Variants in CLPB observed in about 807,000 individuals in gnomAD.
The protein encoded by CLPB is ClpB family mitochondrial disaggregase.
A neutral mutation model predicts 78.4 loss-of-function variants in CLPB; 40 were observed. The ratio of observed to expected loss-of-function variants is 0.51; its 90% CI spans 0.40 to 0.66. CLPB has a LOEUF of 0.66. Among genes scored for constraint, CLPB ranks in the 30% least tolerant of loss-of-function variants. CLPB has a pLI of 0.00. For missense variants in CLPB, 780 were observed against 886.9 expected (o/e 0.88, Z 1.53); for synonymous variants, 333 against 348.0 (o/e 0.96, Z 0.48).
intron 12 of CLPB, among the ~76,000 whole-genome samples, chr11:72,295,235 G>A (rs893730219): frequency 6.6e-6 from 1 of 152,156 alleles, no homozygotes; most frequent in Non-Finnish European, 1.5e-5. Flanking sequence ...CCCCCACCCT[G>A]GTGTAGCTCT....
chr11:72,321,084 A>G (rs1236649879), intron 6 of CLPB, among the ~76,000 whole-genome samples: 1 of 125,018 alleles, frequency 8.0e-6, no homozygotes, highest in Non-Finnish European at 1.6e-5. Flanking sequence ...AATACTTGAG[A>G]TATATATATA....
Position 72,416,889 on chromosome 11 carries a change from T to G in CLPB, c.455+13423A>C, listed in dbSNP as rs58652883. 5.5e-3 allele frequency among the ~76,000 whole-genome samples: 838 copies of G among 152,256 alleles called. 5 individuals are homozygous for G. Among genetic ancestry groups the G allele is most frequent in the African/African-American group, 0.019 (789 of 41,548 alleles). ...AGATACCACTCCACACACACTAGGT[T>G]TGCTGTAAGTGATGACAACACTGAT... On this transcript the variant is annotated intron_variant, in intron 2 of 15. Coordinates refer to ENST00000538039, the MANE Select transcript of CLPB (RefSeq NM_001258392.3).
chr11:72,434,478 G>C lies in CLPB; in HGVS notation c.-4C>G, dbSNP rs372686957. 8 of 1,531,384 alleles carry C rather than the reference G, an allele frequency of 5.2e-6. No homozygotes were observed. The highest frequency in any genetic ancestry group is 7.0e-6 in the Non-Finnish European group (8 of 1,137,556). The allele number at this position is 1,531,384 out of a possible 1,614,324, so 94.9% of individuals were successfully genotyped here. ...TCAACACCAGGGACCCCAGCATCTTGACAGCTGCTTCGATAACCCCGTGGT... is the reference window on the plus strand; with the variant it reads ...TCAACACCAGGGACCCCAGCATCTTCACAGCTGCTTCGATAACCCCGTGGT... On this transcript the variant is annotated 5_prime_UTR_variant, in exon 1 of 16. Coordinates refer to ENST00000538039, the MANE Select transcript of CLPB (RefSeq NM_001258392.3).
At chr11:72,293,640 C>G (rs1306801779) in intron 15 of CLPB, 25 bp from the exon 16 acceptor site, 2 of 1,599,018 alleles carry the variant, frequency 1.3e-6, no homozygotes, top group Non-Finnish European at 1.7e-6. Flanking sequence ...GTGAAGTGGT[C>G]ACTCCCTCGG....
At chr11:72,337,214 A>C (rs1950338186) in intron 5 of CLPB, 4 of 398,334 alleles carry the variant, frequency 1.0e-5, no homozygotes, top group Non-Finnish European at 1.8e-5. Context: ...TGATATCTTG[A>C]GCTTTTTCTA....
intron 2 of CLPB, 93 bp downstream of exon 2, chr11:72,430,219 G>A (rs1856504364): frequency 1.6e-6 from 2 of 1,220,702 alleles, no homozygotes; most frequent in Admixed American, 2.0e-5. Context: ...CTTAGGGTAA[G>A]GATTTCCTCC....
intron 9 of CLPB, 69 bp from the exon 10 acceptor site, chr11:72,302,417 G>C: frequency 7.4e-7 from 1 of 1,360,332 alleles, no homozygotes; most frequent in Non-Finnish European, 1.1e-6. Flanking sequence ...TTAGGGAGGA[G>C]AGCACCTCAA....
chr11:72,387,877 G>A (rs896924307), intron 3 of CLPB, among the ~76,000 whole-genome samples: 5 of 152,160 alleles, frequency 3.3e-5, no homozygotes, highest in East Asian at 1.9e-4. Context: ...TCAAAGGGAC[G>A]TAATTTGGTT....
At chr11:72,395,185 C>T (rs58515298) in intron 3 of CLPB, among the ~76,000 whole-genome samples, 1 of 152,114 alleles carries the variant, frequency 6.6e-6, no homozygotes, top group East Asian at 1.9e-4. Context: ...TTCTCCAAAG[C>T]GGGACTTTTA....
chr11:72,364,686 C>T (rs554927952), intron 4 of CLPB, among the ~76,000 whole-genome samples: 8 of 152,160 alleles, frequency 5.3e-5, no homozygotes, highest in African/African-American at 1.9e-4. Flanking sequence ...TTCCTTCCCA[C>T]CTTTTTCCTT....
chr11:72,394,067 C>T (rs1429329888), intron 3 of CLPB, among the ~76,000 whole-genome samples: 1 of 152,162 alleles, frequency 6.6e-6, no homozygotes, highest in Non-Finnish European at 1.5e-5. Context: ...AAACAATGAA[C>T]CAGGTCATTT....
intron 3 of CLPB, among the ~76,000 whole-genome samples, chr11:72,381,544 C>T (rs1225105738): frequency 1.3e-5 from 2 of 152,184 alleles, no homozygotes; most frequent in Non-Finnish European, 2.9e-5. Context: ...CAGATTCAAT[C>T]TCCAGGCCCA....
At chr11:72,359,810 G>C (rs944013748) in intron 4 of CLPB, among the ~76,000 whole-genome samples, 7 of 152,086 alleles carry the variant, frequency 4.6e-5, no homozygotes, top group Non-Finnish European at 8.8e-5. Flanking sequence ...TTTGAAAGAA[G>C]AACAAGCATT....
intron 9 of CLPB, chr11:72,304,103 C>T (rs1304553849): frequency 2.6e-5 from 4 of 152,188 alleles, no homozygotes; most frequent in Non-Finnish European, 5.9e-5. Flanking sequence ...TGGGTTCTCA[C>T]CCTAGTTCTT....
intron 7 of CLPB, among the ~76,000 whole-genome samples, chr11:72,314,336 A>G (rs934541345): frequency 6.6e-6 from 1 of 152,120 alleles, no homozygotes; most frequent in African/African-American, 2.4e-5. Flanking sequence ...GCTGCCCAGG[A>G]GAGGCTTCTT....
intron 6 of CLPB, among the ~76,000 whole-genome samples, chr11:72,322,495 A>C (rs113276755): frequency 2.0e-5 from 3 of 152,310 alleles, no homozygotes; most frequent in African/African-American, 4.8e-5. Flanking sequence ...TGACTGACTA[A>C]ATTTTAAAGA....
intron 2 of CLPB, among the ~76,000 whole-genome samples, chr11:72,426,920 C>T (rs1420073953): frequency 6.6e-6 from 1 of 152,204 alleles, no homozygotes; most frequent in Non-Finnish European, 1.5e-5. Flanking sequence ...CTGCCATGGT[C>T]CTTTCTAGAT....
chr11:72,379,736 A>G (rs1404124691), intron 4 of CLPB, among the ~76,000 whole-genome samples: 2 of 152,222 alleles, frequency 1.3e-5, no homozygotes, highest in Admixed American at 1.3e-4. Flanking sequence ...TCATAGAGTA[A>G]GTTGAGGGGA....
chr11:72,327,614 C>T (rs1950153555), intron 6 of CLPB, among the ~76,000 whole-genome samples: 1 of 152,202 alleles, frequency 6.6e-6, no homozygotes, highest in Non-Finnish European at 1.5e-5. Context: ...AGACCAGTAC[C>T]TGCTCTATGT....
Sources: gnomAD v4.1 joint callset for allele counts (sites outside exome capture counted in the v4.1 genomes callset) on GRCh38, gnomAD v4.1.1 for gene constraint, MANE v1.5 for transcripts, NCBI Gene and HGNC (gene_info 2026-07-23, HGNC 2026-07-21) for gene names.